Variants in NPAS3 observed in about 807,000 individuals in gnomAD.
NPAS3 encodes neuronal PAS domain-containing protein 3.
NPAS3 carries 14 observed loss-of-function variants against 73.1 expected under a neutral mutation model. The observed-to-expected ratio is 0.19, with a 90% CI of 0.13 to 0.30. The LOEUF is 0.30. NPAS3 is among the 10% of genes least tolerant of loss of function. NPAS3 has a pLI of 1.00. For synonymous variants in NPAS3, 620 were observed against 541.5 expected (o/e 1.14, Z -2.01); for missense variants, 1,096 against 1,250.0 (o/e 0.88, Z 1.86).
At chr14:32,979,803 A>G (rs1381251182) in intron 1 of NPAS3, among the ~76,000 whole-genome samples, 1 of 152,216 alleles carries the variant, frequency 6.6e-6, no homozygotes, top group Non-Finnish European at 1.5e-5. Context: ...TGTATTTCCA[A>G]GATCACAAAG....
intron 3 of NPAS3, among the ~76,000 whole-genome samples, chr14:33,330,440 A>C (rs187005333): frequency 1.7e-3 from 258 of 152,234 alleles, no homozygotes; most frequent in African/African-American, 5.8e-3. Context: ...TGTGAGGATT[A>C]AGTGAGATAA....
chr14:33,435,158 G>C (rs1290087500), intron 4 of NPAS3, among the ~76,000 whole-genome samples: 1 of 152,182 alleles, frequency 6.6e-6, no homozygotes, highest in Non-Finnish European at 1.5e-5. Flanking sequence ...CATTTGTCCA[G>C]TGTGAAATCC....
chr14:33,191,811 G>A (rs1306022737), intron 2 of NPAS3, among the ~76,000 whole-genome samples: 6 of 152,104 alleles, frequency 3.9e-5, no homozygotes, highest in African/African-American at 1.2e-4. Flanking sequence ...GCCACACAAA[G>A]CAACCATGTT....
chr14:33,344,793 A>G (rs1331191473), intron 3 of NPAS3, among the ~76,000 whole-genome samples: 2 of 152,208 alleles, frequency 1.3e-5, no homozygotes, highest in African/African-American at 4.8e-5. Context: ...AGGCAACTCC[A>G]TCCCACTCCC....
At chr14:33,498,931 A>AGTGTGTGTGTGTGT (rs768888278) in intron 4 of NPAS3, among the ~76,000 whole-genome samples, 1 of 119,298 alleles carries the variant, frequency 8.4e-6, no homozygotes, top group Non-Finnish European at 1.7e-5. Flanking sequence ...AGAGACAGAG[A>AGTGTGTGTGTGTGT]GAGAGTGTGT....
intron 5 of NPAS3, among the ~76,000 whole-genome samples, chr14:33,671,071 T>G (rs909676975): frequency 2.6e-5 from 4 of 152,196 alleles, no homozygotes. Context: ...TGAAAATAGA[T>G]GTATGGCCTT....
At chr14:33,638,832 T>G (rs1054079463) in intron 5 of NPAS3, among the ~76,000 whole-genome samples, 1 of 152,250 alleles carries the variant, frequency 6.6e-6, no homozygotes, top group African/African-American at 2.4e-5. Context: ...CTGACAGCCA[T>G]GAACACAGAT....
chr14:33,028,645 G>A (rs2039887745), intron 1 of NPAS3, among the ~76,000 whole-genome samples: 1 of 152,076 alleles, frequency 6.6e-6, no homozygotes, highest in Non-Finnish European at 1.5e-5. Context: ...TATATCAGTA[G>A]GTAGAATAGT....
intron 4 of NPAS3, among the ~76,000 whole-genome samples, chr14:33,483,164 T>C (rs1200571961): frequency 6.6e-6 from 1 of 152,140 alleles, no homozygotes. Context: ...AAATAGAACA[T>C]TCAAGTGTGC....
intron 4 of NPAS3, among the ~76,000 whole-genome samples, chr14:33,553,974 G>A (rs1425706411): frequency 6.6e-6 from 1 of 152,118 alleles, no homozygotes; most frequent in African/African-American, 2.4e-5. Flanking sequence ...TTTAATGAGC[G>A]CTATCACAGT....
intron 2 of NPAS3, among the ~76,000 whole-genome samples, chr14:33,063,663 C>CAG (rs936446399): frequency 2.0e-5 from 3 of 152,154 alleles, no homozygotes; most frequent in African/African-American, 7.2e-5. Context: ...ATAGTAGTGA[C>CAG]AGAGACCATA....
At chr14:33,121,755 G>A (rs545996075) in intron 2 of NPAS3, among the ~76,000 whole-genome samples, 5 of 152,250 alleles carry the variant, frequency 3.3e-5, no homozygotes, top group African/African-American at 1.2e-4. Context: ...AAAACAAAGT[G>A]CCTGAACTGA....
chr14:33,274,979 C>T (rs538155506), intron 3 of NPAS3, among the ~76,000 whole-genome samples: 1 of 152,202 alleles, frequency 6.6e-6, no homozygotes, highest in Non-Finnish European at 1.5e-5. Flanking sequence ...AGTGCCTATG[C>T]AAGTTCTCAA....
intron 1 of NPAS3, among the ~76,000 whole-genome samples, chr14:32,954,390 G>A (rs1036816473): frequency 1.1e-4 from 17 of 151,768 alleles, no homozygotes; most frequent in Non-Finnish European, 1.6e-4. Context: ...ACATTAGATC[G>A]CTTAAATTTC....
chr14:33,594,580 A>G (rs1327693382), intron 5 of NPAS3, among the ~76,000 whole-genome samples: 1 of 152,066 alleles, frequency 6.6e-6, no homozygotes, highest in African/African-American at 2.4e-5. Context: ...TCTGGGATCC[A>G]TGGGACCCCA....
At chr14:33,257,802 T>A (rs1160874290) in intron 3 of NPAS3, among the ~76,000 whole-genome samples, 2 of 152,206 alleles carry the variant, frequency 1.3e-5, no homozygotes, top group Non-Finnish European at 2.9e-5. Context: ...TTTTTGTCTT[T>A]TAATGTGTGT....
chr14:33,440,920 G>A (rs2049219545), intron 4 of NPAS3, among the ~76,000 whole-genome samples: 1 of 151,768 alleles, frequency 6.6e-6, no homozygotes, highest in African/African-American at 2.4e-5. Context: ...TGTATGAAGA[G>A]CACAAACAGC....
chr14:33,466,008 T>A (rs897038151), intron 4 of NPAS3, among the ~76,000 whole-genome samples: 1 of 151,996 alleles, frequency 6.6e-6, no homozygotes, highest in Non-Finnish European at 1.5e-5. Context: ...ATGGATGAAA[T>A]CAAAACACAT....
intron 3 of NPAS3, among the ~76,000 whole-genome samples, chr14:33,216,446 G>A (rs1228971650): frequency 6.6e-6 from 1 of 152,138 alleles, no homozygotes; most frequent in Non-Finnish European, 1.5e-5. Flanking sequence ...TTACAATTTT[G>A]TGCTAAGAGC....
Sources: gnomAD v4.1 joint callset for allele counts (sites outside exome capture counted in the v4.1 genomes callset) on GRCh38, gnomAD v4.1.1 for gene constraint, MANE v1.5 for transcripts, NCBI Gene and HGNC (gene_info 2026-07-23, HGNC 2026-07-21) for gene names.